The following VEZT variants were observed in gnomAD, a reference collection of about 807,000 sequenced individuals.
VEZT encodes the protein vezatin, adherens junctions transmembrane protein.
A neutral mutation model predicts 79.9 loss-of-function variants in VEZT; 39 were observed. The observed-to-expected ratio is 0.49, with a 90% CI of 0.38 to 0.64. The LOEUF (loss-of-function observed/expected upper bound fraction) is 0.64. VEZT is among the 30% of genes least tolerant of loss of function. VEZT has a pLI of 0.00. For synonymous variants in VEZT, 325 were observed against 327.6 expected, an observed-to-expected ratio of 0.99 and a Z score of 0.09; for missense variants, 837 against 893.1, an observed-to-expected ratio of 0.94 and a Z score of 0.80.
At chr12:95,249,688 G>A (rs1157166458) in intron 1 of VEZT, among the ~76,000 whole-genome samples, 3 of 151,994 alleles carry the variant, frequency 2.0e-5, no homozygotes, top group African/African-American at 7.2e-5. Flanking sequence ...AAATGTCTTG[G>A]TCTATCTTAG....
At chr12:95,270,023 C>T in intron 5 of VEZT, 28 bp from the exon 6 acceptor site, 1 of 1,601,252 alleles carries the variant, frequency 6.2e-7, no homozygotes, top group Non-Finnish European at 8.5e-7. Context: ...AGTTGTATCA[C>T]ATTTTACTTT....
At chr12:95,294,423 G>A (rs2073699801) in intron 10 of VEZT, 51 bp downstream of exon 10, 2 of 1,397,648 alleles carry the variant, frequency 1.4e-6, no homozygotes, top group African/African-American at 1.4e-5. Flanking sequence ...TGTTTCTAAT[G>A]AGCTTCAAAA....
At chr12:95,230,023 T>C (rs1191382801) in intron 1 of VEZT, among the ~76,000 whole-genome samples, 1 of 149,628 alleles carries the variant, frequency 6.7e-6, no homozygotes, top group African/African-American at 2.5e-5. Context: ...GAGAATTGCT[T>C]GAACCCAGGA....
At chr12:95,279,830 T>C (rs537727301) in intron 7 of VEZT, among the ~76,000 whole-genome samples, 142 of 103,022 alleles carry the variant, frequency 1.4e-3, no homozygotes, top group African/African-American at 5.5e-3. Flanking sequence ...ACTACTGGCC[T>C]CAAGTGAGCC....
At chr12:95,255,750 TG>T (rs1404087785) in intron 2 of VEZT, among the ~76,000 whole-genome samples, 1 of 152,068 alleles carries the variant, frequency 6.6e-6, no homozygotes, top group Non-Finnish European at 1.5e-5. Flanking sequence ...CTTTTAATCA[TG>T]CTTCTTGTCT....
At chr12:95,257,914 A>G (rs1185170753) in intron 3 of VEZT, among the ~76,000 whole-genome samples, 2 of 152,224 alleles carry the variant, frequency 1.3e-5, no homozygotes, top group African/African-American at 2.4e-5. Context: ...ACAACACTAT[A>G]AGATTTAGTC....
intron 11 of VEZT, among the ~76,000 whole-genome samples, chr12:95,298,055 G>T (rs2074533936): frequency 6.6e-6 from 1 of 152,048 alleles, no homozygotes; most frequent in Non-Finnish European, 1.5e-5. Flanking sequence ...GGGAGGTGGA[G>T]GTTGCAGTGA....
At chr12:95,254,339 CTTTTTTT>C (rs34968028) in intron 2 of VEZT, among the ~76,000 whole-genome samples, 2 of 69,402 alleles carry the variant, frequency 2.9e-5, no homozygotes, top group Admixed American at 4.3e-4. Flanking sequence ...AAACGAAGTT[CTTTTTTT>C]TTTTTTTTTT....
At position 95,295,156 on chromosome 12, in the gene VEZT, A is replaced by G. The variant is rs575802833; in HGVS notation, c.1623+784A>G. Reference sequence around the variant, plus strand: ...ACATCCTGCCAGAATAGATTTTCCAAAGTGCTTGGTTCTTTTTTATATGAG... The same window carrying G: ...ACATCCTGCCAGAATAGATTTTCCAGAGTGCTTGGTTCTTTTTTATATGAG... On this transcript the variant is annotated intron_variant, in intron 10 of 11. Transcript: ENST00000436874. Among the ~76,000 whole-genome samples, 22 of 152,118 alleles carry G rather than the reference A, an allele frequency of 1.4e-4. No individual in the cohort carries two copies. The South Asian group carries it at 3.7e-3, about 26-fold the overall frequency.
chr12:95,244,641 G>A (rs376006764), intron 1 of VEZT, among the ~76,000 whole-genome samples: 16 of 150,064 alleles, frequency 1.1e-4, no homozygotes, highest in Middle Eastern at 3.5e-3. Context: ...AGGCTGGTGT[G>A]CAATGGTGTG....
chr12:95,292,779 C>T (rs1482375250), intron 9 of VEZT, among the ~76,000 whole-genome samples: 1 of 151,348 alleles, frequency 6.6e-6, no homozygotes, highest in African/African-American at 2.4e-5. Flanking sequence ...AAACTCTTGA[C>T]CTCGTGATCC....
chr12:95,217,922 T>C (rs777283932), intron 1 of VEZT, 36 bp downstream of exon 1: 1 of 1,473,220 alleles, frequency 6.8e-7, no homozygotes, highest in East Asian at 2.8e-5. Context: ...GGATTGCCTT[T>C]GTTTGAGAAG....
chr12:95,288,923 T>C (rs2071734869), intron 9 of VEZT, among the ~76,000 whole-genome samples: 1 of 151,774 alleles, frequency 6.6e-6, no homozygotes, highest in African/African-American at 2.4e-5. Flanking sequence ...TGTTAAAAGA[T>C]GCATCCTGGC....
intron 5 of VEZT, among the ~76,000 whole-genome samples, chr12:95,267,421 A>G (rs565064196): frequency 6.6e-6 from 1 of 152,138 alleles, no homozygotes; most frequent in South Asian, 2.1e-4. Flanking sequence ...TATATAACCT[A>G]TATAACTTTT....
chr12:95,243,748 C>T (rs1176190028), intron 1 of VEZT, among the ~76,000 whole-genome samples: 1 of 152,176 alleles, frequency 6.6e-6, no homozygotes, highest in East Asian at 1.9e-4. Context: ...TCACGAGGCT[C>T]CACTTTCATG....
intron 9 of VEZT, chr12:95,290,594 A>G (rs2072488410): frequency 6.6e-6 from 1 of 152,204 alleles, no homozygotes; most frequent in Non-Finnish European, 1.5e-5. Context: ...TGGCAAAGGA[A>G]CAGAAAACAG....
At chr12:95,258,910 G>T (rs1279003619) in intron 3 of VEZT, among the ~76,000 whole-genome samples, 1 of 152,082 alleles carries the variant, frequency 6.6e-6, no homozygotes, top group East Asian at 1.9e-4. Context: ...TTTTTTATCT[G>T]TGCCTTCTCA....
chr12:95,237,747 C>T (rs988535795), intron 1 of VEZT, among the ~76,000 whole-genome samples: 1 of 152,148 alleles, frequency 6.6e-6, no homozygotes, highest in African/African-American at 2.4e-5. Flanking sequence ...TTTCTCTTCT[C>T]TGAGTTTATA....
At chr12:95,296,921 CAG>C (rs1170254479) in intron 11 of VEZT, 1 of 151,500 alleles carries the variant, frequency 6.6e-6, no homozygotes, top group Non-Finnish European at 1.5e-5. Context: ...GCCTGGGCAA[CAG>C]AGGGAGACTC....
Sources: allele counts gnomAD v4.1 joint callset (sites outside exome capture counted in the v4.1 genomes callset), GRCh38; gene constraint gnomAD v4.1.1; transcripts MANE v1.5; gene names NCBI Gene and HGNC (gene_info 2026-07-23, HGNC 2026-07-21).